Variants in GRK3 observed in about 807,000 individuals in gnomAD.
GRK3 encodes the protein adrenergic, beta, receptor kinase 2.
A neutral mutation model predicts 95.7 loss-of-function variants in GRK3; 54 were observed. The ratio of observed to expected loss-of-function variants is 0.56; its 90% CI spans 0.45 to 0.71. The LOEUF is 0.71. Among genes scored for constraint, GRK3 ranks in the 30% least tolerant of loss-of-function variants. GRK3 has a pLI of 0.00. For missense variants in GRK3, 649 were observed against 851.2 expected, an observed-to-expected ratio of 0.76 and a Z score of 2.96; for synonymous variants, 281 against 290.8, an observed-to-expected ratio of 0.97 and a Z score of 0.34.
At chr22:25,624,521 G>A (rs1411580752) in intron 2 of GRK3, among the ~76,000 whole-genome samples, 4 of 152,038 alleles carry the variant, frequency 2.6e-5, no homozygotes, top group Non-Finnish European at 4.4e-5. Flanking sequence ...CCTAGATCAC[G>A]CCACTGCATT....
chr22:25,604,866 G>T lies in GRK3; in HGVS notation c.190+413G>T, dbSNP rs369824501. On this transcript the variant is annotated intron_variant, in intron 2 of 20. Coordinates refer to ENST00000324198, the MANE Select transcript of GRK3 (RefSeq NM_005160.4). ...ATTAAAGTTCCCTAGAACTCAATTTGTGCTCTGTTTCCATGATTAATAGAC... is the reference window on the plus strand; with the variant it reads ...ATTAAAGTTCCCTAGAACTCAATTTTTGCTCTGTTTCCATGATTAATAGAC... Among the ~76,000 whole-genome samples, 5 of 151,880 alleles carry T rather than the reference G, an allele frequency of 3.3e-5. No homozygotes were observed. In the East Asian group the frequency reaches 7.7e-4, roughly 23 times the overall value.
chr22:25,647,020 C>CAAAAAAA (rs1025786169), intron 3 of GRK3, among the ~76,000 whole-genome samples: 70 of 53,420 alleles, frequency 1.3e-3, no homozygotes, highest in Middle Eastern at 0.01. Context: ...GACTTTGTCT[C>CAAAAAAA]AAAAAAAAAA....
rs3223258 is a variant in GRK3, at chr22:25,726,912, CGT to C, written c.*4506_*4507del. On this transcript the variant is annotated 3_prime_UTR_variant, in exon 21 of 21. Transcript: ENST00000324198. ...TTACCAGGCCATCTCCAAAACACCC[CGT>C]GTGTGTGTGTGTGTGTGTGTGTGTG... 24,618 of 137,700 alleles carry C rather than the reference CGT, an allele frequency of 0.18. 2,003 individuals carry two copies. Among genetic ancestry groups the C allele is most frequent in the Non-Finnish European group, 0.2 (12,614 of 64,472 alleles). The allele number at this position is 137,700 out of a possible 1,614,324, so 8.5% of individuals were successfully genotyped here.
chr22:25,579,631 C>A (rs758728619), intron 1 of GRK3, among the ~76,000 whole-genome samples: 7 of 151,946 alleles, frequency 4.6e-5, no homozygotes, highest in Non-Finnish European at 1.0e-4. Flanking sequence ...CACCACCACA[C>A]CCGGCTAATT....
intron 13 of GRK3, chr22:25,702,766 C>T (rs1187270864): frequency 4.4e-6 from 2 of 455,592 alleles, no homozygotes; most frequent in East Asian, 6.9e-5. Flanking sequence ...ATTGTCTTGG[C>T]TACTTGCATA....
intron 14 of GRK3, 46 bp downstream of exon 14, chr22:25,703,622 T>C: frequency 7.5e-7 from 1 of 1,329,524 alleles, no homozygotes. Flanking sequence ...GTAATTGTCA[T>C]GCTTCATTCC....
chr22:25,660,500 G>A (rs527766619), intron 3 of GRK3, among the ~76,000 whole-genome samples: 1 of 152,282 alleles, frequency 6.6e-6, no homozygotes, highest in South Asian at 2.1e-4. Context: ...ATTTCTCAGC[G>A]TGTGAACCTG....
chr22:25,703,141 A>G (rs1248856548), intron 13 of GRK3: 9 of 298,268 alleles, frequency 3.0e-5, no homozygotes, highest in Admixed American at 4.7e-5. Flanking sequence ...AATGTACATG[A>G]AAGTTATTGT....
At chr22:25,590,342 T>C (rs928661654) in intron 1 of GRK3, among the ~76,000 whole-genome samples, 20 of 152,284 alleles carry the variant, frequency 1.3e-4, no homozygotes, top group African/African-American at 4.6e-4. Context: ...TTTACTTGAA[T>C]TGAGTTTTTA....
intron 2 of GRK3, among the ~76,000 whole-genome samples, chr22:25,633,330 T>C (rs1211675111): frequency 6.6e-6 from 1 of 152,204 alleles, no homozygotes; most frequent in Non-Finnish European, 1.5e-5. Context: ...ATTGATTTTT[T>C]ACAAAAATTT....
In GRK3 at chr22:25,592,416, G is replaced by A. The variant is rs574148273; in HGVS notation, c.114-11961G>A. Among the ~76,000 whole-genome samples, 13 of 152,106 alleles carry A rather than the reference G, an allele frequency of 8.5e-5. 1 individual carries two copies. In the South Asian group the frequency reaches 1.7e-3, roughly 19 times the overall value. ...AGATGGTTTGCCAGTGTTTTCTCTC[G>A]GCATGTGGCTTGTCTTTTCATCCTC... On this transcript the variant is annotated intron_variant, in intron 1 of 20. Coordinates refer to ENST00000324198, the MANE Select transcript of GRK3 (RefSeq NM_005160.4).
At position 25,565,116 on chromosome 22, in the gene GRK3, G is replaced by A. The variant is rs1379060239; in HGVS notation, c.76G>A (p.Ala26Thr). Reference sequence around the variant, plus strand: ...GGAGAAGAGCAAGGCGACCCCGGCCGCCCGCGCCAGCAAGAGGATCGTCCT... The same window carrying A: ...GGAGAAGAGCAAGGCGACCCCGGCCACCCGCGCCAGCAAGAGGATCGTCCT... ...AMEKSKATPA[A>T]RASKRIVLPE... Residue 26 changes from alanine (A) to threonine (T), a missense_variant, in exon 1 of 21, where the codon GCC becomes ACC. Ala to Thr is a moderately conservative substitution (Grantham distance 58, BLOSUM62 0). This residue lies in a region of GRK3 where 206 missense variants were observed against 231.4 expected (regional missense o/e 0.89). Coordinates refer to ENST00000324198, the MANE Select transcript of GRK3 (RefSeq NM_005160.4). The A allele has an allele frequency of 2.6e-6, 4 of 1,548,378 alleles. No individual in the cohort carries two copies. Among genetic ancestry groups the A allele is most frequent in the South Asian group, 1.2e-5 (1 of 83,934 alleles).
chr22:25,664,390 C>CTA (rs2146404111), intron 5 of GRK3, among the ~76,000 whole-genome samples: 1 of 151,828 alleles, frequency 6.6e-6, no homozygotes, highest in East Asian at 1.9e-4. Flanking sequence ...TTTCATGTTT[C>CTA]TATAAATTAC....
rs1458038881 is a variant in GRK3, at chr22:25,723,354, C to T, written c.*904C>T. 1.3e-5 allele frequency: 2 copies of T among 152,118 alleles called. No individual in the cohort carries two copies. The highest frequency in any genetic ancestry group is 6.6e-5 in the Admixed American group (1 of 15,262). The allele number at this position is 152,118 out of a possible 1,614,324, so 9.4% of individuals were successfully genotyped here. On this transcript the variant is annotated 3_prime_UTR_variant, in exon 21 of 21. Coordinates refer to ENST00000324198, the MANE Select transcript of GRK3 (RefSeq NM_005160.4). ...TTCTGCCTGACCCTGGGAGACATAT[C>T]AGTAATGGATGTACAAAAGCAGGTC...
chr22:25,607,062 A>G (rs2084455099), intron 2 of GRK3, among the ~76,000 whole-genome samples: 1 of 152,114 alleles, frequency 6.6e-6, no homozygotes, highest in South Asian at 2.1e-4. Flanking sequence ...AATTAACCCC[A>G]TATGTATGTA....
chr22:25,705,264 C>A (rs1011717834), intron 15 of GRK3, among the ~76,000 whole-genome samples: 8 of 152,144 alleles, frequency 5.3e-5, no homozygotes, highest in Admixed American at 5.2e-4. Context: ...CTTTTGCTTT[C>A]CTCTGTAGCT....
chr22:25,648,026 G>A, intron 3 of GRK3: 2 of 497,512 alleles, frequency 4.0e-6, no homozygotes, highest in East Asian at 4.0e-5. Context: ...TGAGGCAGCA[G>A]AATCACTTGA....
chr22:25,570,112 A>G (rs771620928), intron 1 of GRK3, among the ~76,000 whole-genome samples: 1 of 152,058 alleles, frequency 6.6e-6, no homozygotes, highest in Non-Finnish European at 1.5e-5. Flanking sequence ...CCTTTTTCGT[A>G]CTCTCCCGAT....
chr22:25,585,138 C>T (rs375354009), intron 1 of GRK3, among the ~76,000 whole-genome samples: 5,097 of 148,946 alleles, frequency 0.034, no homozygotes, highest in Admixed American at 0.079. Flanking sequence ...CTGCCTGCCT[C>T]GCTATAGGGC....
Sources: gnomAD v4.1 joint callset for allele counts (sites outside exome capture counted in the v4.1 genomes callset) on GRCh38, gnomAD v4.1.1 for gene constraint, gnomAD v4.1.1 regional missense constraint, MANE v1.5 for transcripts, NCBI Gene and HGNC (gene_info 2026-07-23, HGNC 2026-07-21) for gene names.